GOLGA4: variants seen among roughly 807,000 people sequenced by gnomAD.
GOLGA4 encodes golgin subfamily A member 4.
Under a neutral mutation model 265.9 loss-of-function variants are expected in GOLGA4, and 169 were observed. The observed-to-expected ratio is 0.64, with a 90% confidence interval of 0.56 to 0.72. The LOEUF (loss-of-function observed/expected upper bound fraction) is 0.72. Ranked by LOEUF, GOLGA4 falls within the 30% of genes least tolerant of loss-of-function variation. The pLI is 0.00. For synonymous variants in GOLGA4, 923 were observed against 855.8 expected (o/e 1.08, Z -1.37); for missense variants, 2,482 against 2,483.4 (o/e 1.00, Z 0.01).
chr3:37,319,886 A>T (rs930417900), intron 12 of GOLGA4: 2 of 152,184 alleles, frequency 1.3e-5, no homozygotes, highest in African/African-American at 4.8e-5. Flanking sequence ...AAAGGAAAAG[A>T]TAGATTAATT....
intron 2 of GOLGA4, among the ~76,000 whole-genome samples, chr3:37,268,317 CAG>C (rs1218274174): frequency 3.9e-5 from 6 of 152,078 alleles, no homozygotes; most frequent in Non-Finnish European, 8.8e-5. Context: ...TTCCTGGCCT[CAG>C]GTGATCCTCT....
In GOLGA4 at chr3:37,337,613, T is replaced by C. The variant is rs189967941; in HGVS notation, c.6328-53T>C. On this transcript the variant is annotated intron_variant, in intron 18 of 23. Coordinates refer to ENST00000361924, the MANE Select transcript of GOLGA4 (RefSeq NM_002078.5). ...TTTCCAAGCAGTGCAGAAATGTGTC[T>C]GGGCAATAATGAAACCTATGTGCAT... 85 of 1,207,154 alleles carry C rather than the reference T, an allele frequency of 7.0e-5. No individual in the cohort carries two copies. In the Admixed American group the frequency reaches 1.1e-3, roughly 15 times the overall value. 74.8% of individuals were successfully genotyped at this position (1,207,154 alleles called of 1,614,324 possible).
chr3:37,365,055 C>G (rs890883476), intron 23 of GOLGA4, among the ~76,000 whole-genome samples: 3 of 152,074 alleles, frequency 2.0e-5, no homozygotes, highest in African/African-American at 7.2e-5. Context: ...ACCATCATGC[C>G]TGTCTAATTT....
intron 22 of GOLGA4, among the ~76,000 whole-genome samples, chr3:37,360,942 C>T (rs1219550394): frequency 6.6e-6 from 1 of 151,970 alleles, no homozygotes; most frequent in East Asian, 1.9e-4. Context: ...AATAATTGCC[C>T]CGTAATTCAG....
At chr3:37,301,470 C>G (rs1367113190) in intron 9 of GOLGA4, among the ~76,000 whole-genome samples, 1 of 152,142 alleles carries the variant, frequency 6.6e-6, no homozygotes, top group Non-Finnish European at 1.5e-5. Flanking sequence ...GGGGTTATCC[C>G]CATGTTATAG....
Position 37,258,010 on chromosome 3 carries a change from C to CAT in GOLGA4, c.162+6535_162+6536dup, listed in dbSNP as rs755810824. ...GTATGTATATATGTATATATACATA[C>CAT]ATATATATATGTATGTATATATGTA... On this transcript the variant is annotated intron_variant, in intron 2 of 23. Coordinates refer to ENST00000361924, the MANE Select transcript of GOLGA4 (RefSeq NM_002078.5). Among the ~76,000 whole-genome samples the CAT allele has an allele frequency of 6.7e-5, 4 of 59,646 alleles. 1 individual carries two copies. The highest frequency in any genetic ancestry group is 8.1e-4 in the South Asian group (2 of 2,462). 39.1% of individuals were successfully genotyped at this position (59,646 alleles called of 152,430 possible).
chr3:37,362,176 C>T (rs1393543506), intron 23 of GOLGA4, among the ~76,000 whole-genome samples: 3 of 151,606 alleles, frequency 2.0e-5, no homozygotes, highest in Admixed American at 2.0e-4. Context: ...CAAGATACAA[C>T]ATTTCTCCGT....
intron 10 of GOLGA4, among the ~76,000 whole-genome samples, chr3:37,310,968 A>G (rs999721563): frequency 1.3e-5 from 2 of 152,204 alleles, no homozygotes; most frequent in Non-Finnish European, 2.9e-5. Flanking sequence ...TTGAAAGATA[A>G]ATTGTCTAGA....
intron 20 of GOLGA4, among the ~76,000 whole-genome samples, chr3:37,343,919 T>C (rs2097047465): frequency 1.3e-5 from 2 of 152,248 alleles, no homozygotes; most frequent in African/African-American, 4.8e-5. Context: ...CATCCATTGG[T>C]AAATTCCCTG....
At position 37,323,863 on chromosome 3, in the gene GOLGA4, C is replaced by T. The variant is rs1553618161; in HGVS notation, c.1977C>T (p.Asp659=). The change falls in exon 14 of 24, where the codon GAC becomes GAT. Residue 659 remains aspartate, a synonymous_variant. Transcript: ENST00000361924. ...AAGAAAAAGAAACATTGTTGAAAGACAAAGAGATTATCTTCCAGGCCCACA... is the reference window on the plus strand; with the variant it reads ...AAGAAAAAGAAACATTGTTGAAAGATAAAGAGATTATCTTCCAGGCCCACA... ...CEQEKETLLK[D]KEIIFQAHIE... is the part of the protein sequence containing the mutation. The T allele has an allele frequency of 6.2e-7, 1 of 1,611,840 alleles. No homozygotes were observed. Among genetic ancestry groups the T allele is most frequent in the Non-Finnish European group, 8.5e-7 (1 of 1,179,528 alleles).
At chr3:37,267,642 A>T (rs1338780760) in intron 2 of GOLGA4, among the ~76,000 whole-genome samples, 1 of 152,236 alleles carries the variant, frequency 6.6e-6, no homozygotes, top group Non-Finnish European at 1.5e-5. Flanking sequence ...CACTGACTCT[A>T]CTGGGATTGA....
intron 10 of GOLGA4, 54 bp from the exon 11 acceptor site, chr3:37,315,366 T>C (rs1351825406): frequency 1.4e-6 from 2 of 1,466,058 alleles, no homozygotes; most frequent in South Asian, 1.2e-5. Context: ...TAAAACACTT[T>C]AGCTCAATGA....
chr3:37,258,338 A>G (rs2096760173), intron 2 of GOLGA4, among the ~76,000 whole-genome samples: 1 of 148,960 alleles, frequency 6.7e-6, no homozygotes, highest in South Asian at 2.1e-4. Context: ...GTCTGTATAT[A>G]TATATGCTCT....
At chr3:37,322,013 T>G in intron 13 of GOLGA4, 127 bp downstream of exon 13, 1 of 727,122 alleles carries the variant, frequency 1.4e-6, no homozygotes, top group Non-Finnish European at 2.2e-6. Flanking sequence ...CCCTTCATTT[T>G]TAGGTAGTGT....
intron 21 of GOLGA4, among the ~76,000 whole-genome samples, chr3:37,349,062 G>A (rs559552586): frequency 9.9e-5 from 15 of 152,188 alleles, no homozygotes; most frequent in African/African-American, 3.4e-4. Context: ...TATCTTCAGC[G>A]TCGATTCTCC....
At chr3:37,352,798 G>A (rs1578851824) in intron 21 of GOLGA4, among the ~76,000 whole-genome samples, 1 of 152,044 alleles carries the variant, frequency 6.6e-6, no homozygotes, top group African/African-American at 2.4e-5. Flanking sequence ...TGATTCGTGT[G>A]TTCACTGAAG....
intron 21 of GOLGA4, among the ~76,000 whole-genome samples, chr3:37,348,088 A>G (rs2097061701): frequency 6.6e-6 from 1 of 152,152 alleles, no homozygotes; most frequent in African/African-American, 2.4e-5. Flanking sequence ...CTCGAAAGCA[A>G]TCAGTGTTTT....
At chr3:37,312,400 G>A (rs566227230) in intron 10 of GOLGA4, among the ~76,000 whole-genome samples, 2 of 152,014 alleles carry the variant, frequency 1.3e-5, no homozygotes, top group Non-Finnish European at 2.9e-5. Context: ...TATGCTTAAC[G>A]TTAGAATTTA....
At chr3:37,243,895 C>T (rs532343916) in intron 1 of GOLGA4, 33 of 492,442 alleles carry the variant, frequency 6.7e-5, no homozygotes, top group Non-Finnish European at 1.0e-4. Context: ...AGAGTTTTCT[C>T]CTAAGGCCAG....
Sources: allele counts gnomAD v4.1 joint callset (sites outside exome capture counted in the v4.1 genomes callset), GRCh38; gene constraint gnomAD v4.1.1; transcripts MANE v1.5; gene names NCBI Gene and HGNC (gene_info 2026-07-23, HGNC 2026-07-21).